FAM107B: variants seen among roughly 807,000 people sequenced by gnomAD.
FAM107B encodes protein FAM107B.
A neutral mutation model predicts 31.5 loss-of-function variants in FAM107B; 21 were observed. That is an observed-to-expected ratio of 0.67 (90% CI 0.47 to 0.96). The LOEUF is 0.96. FAM107B is among the 40% of genes least tolerant of loss of function. The pLI, the probability that FAM107B is intolerant of heterozygous loss-of-function variation, is 0.00. For synonymous variants in FAM107B, 157 were observed against 141.5 expected, an observed-to-expected ratio of 1.11 and a Z score of -0.78; for missense variants, 452 against 377.1, an observed-to-expected ratio of 1.20 and a Z score of -1.64.
At chr10:14,678,145 C>T (rs575732520) in intron 1 of FAM107B, among the ~76,000 whole-genome samples, 8 of 152,328 alleles carry the variant, frequency 5.3e-5, no homozygotes, top group Admixed American at 3.9e-4. Context: ...CCCTACCCCA[C>T]GCTGAATCCA....
At chr10:14,560,921 C>T (rs952276804) in intron 2 of FAM107B, among the ~76,000 whole-genome samples, 3 of 152,210 alleles carry the variant, frequency 2.0e-5, no homozygotes, top group African/African-American at 7.2e-5. Context: ...TTCTGGGAGA[C>T]AGCTGGCAGC....
At chr10:14,562,488 G>A (rs571734656) in intron 2 of FAM107B, among the ~76,000 whole-genome samples, 1 of 152,318 alleles carries the variant, frequency 6.6e-6, no homozygotes, top group South Asian at 2.1e-4. Flanking sequence ...TGTAGCTTCT[G>A]TAGGCATCTT....
At chr10:14,603,463 C>G (rs1422555696) in intron 2 of FAM107B, among the ~76,000 whole-genome samples, 1 of 152,170 alleles carries the variant, frequency 6.6e-6, no homozygotes, top group Non-Finnish European at 1.5e-5. Flanking sequence ...AGGAAGCAGG[C>G]TTGGTACCTT....
chr10:14,693,249 G>A (rs1855186362), intron 1 of FAM107B, among the ~76,000 whole-genome samples: 1 of 152,206 alleles, frequency 6.6e-6, no homozygotes, highest in South Asian at 2.1e-4. Flanking sequence ...GCCAAGGTGG[G>A]TGGATCTCCT....
At chr10:14,608,021 T>G (rs1168179147) in intron 2 of FAM107B, among the ~76,000 whole-genome samples, 1 of 152,158 alleles carries the variant, frequency 6.6e-6, no homozygotes, top group African/African-American at 2.4e-5. Flanking sequence ...AAATGACTAT[T>G]TGGGGACGTA....
rs1184925728 is a variant in FAM107B, at chr10:14,520,590, C to A, written c.*600G>T. On this transcript the variant is annotated 3_prime_UTR_variant, in exon 5 of 5. Transcript: ENST00000181796. ...TCAAGATGGGCTTTTAAACTTCTCA[C>A]CCTATTTCTAAATTAAGTGCCAACA... 6.6e-6 allele frequency: 1 copy of A among 152,190 alleles called. No homozygotes were observed. The highest frequency in any genetic ancestry group is 6.5e-5 in the Admixed American group (1 of 15,278). The allele number at this position is 152,190 out of a possible 1,614,324, so 9.4% of individuals were successfully genotyped here.
chr10:14,539,847 C>T (rs1205756919), intron 2 of FAM107B, among the ~76,000 whole-genome samples: 1 of 152,098 alleles, frequency 6.6e-6, no homozygotes, highest in Admixed American at 6.6e-5. Flanking sequence ...AACCCTGCAC[C>T]CTCACTTCCT....
At chr10:14,700,478 T>A (rs1855371063) in intron 1 of FAM107B, among the ~76,000 whole-genome samples, 1 of 152,100 alleles carries the variant, frequency 6.6e-6, no homozygotes, top group Non-Finnish European at 1.5e-5. Context: ...TCGCATCGAA[T>A]TTAACGCAGG....
chr10:14,543,076 G>A (rs1848372259), intron 2 of FAM107B, among the ~76,000 whole-genome samples: 1 of 152,154 alleles, frequency 6.6e-6, no homozygotes, highest in Non-Finnish European at 1.5e-5. Flanking sequence ...ACATTTGATA[G>A]ATGACTATTA....
intron 1 of FAM107B, among the ~76,000 whole-genome samples, chr10:14,749,206 C>T (rs1464710917): frequency 1.3e-5 from 2 of 152,122 alleles, no homozygotes; most frequent in Non-Finnish European, 2.9e-5. Flanking sequence ...GTTTATAAGC[C>T]AGGAAACAAT....
At chr10:14,668,827 T>A (rs1203858177) in intron 1 of FAM107B, among the ~76,000 whole-genome samples, 1 of 152,194 alleles carries the variant, frequency 6.6e-6, no homozygotes, top group Non-Finnish European at 1.5e-5. Context: ...GCTACTGTGC[T>A]TACTTTGTTC....
chr10:14,571,443 T>C (rs1851218354), intron 2 of FAM107B, among the ~76,000 whole-genome samples: 1 of 152,110 alleles, frequency 6.6e-6, no homozygotes, highest in Non-Finnish European at 1.5e-5. Flanking sequence ...ATAATGCAGA[T>C]AAAAGTTAGT....
intron 1 of FAM107B, among the ~76,000 whole-genome samples, chr10:14,730,762 C>T (rs554773630): frequency 6.6e-6 from 1 of 152,278 alleles, no homozygotes; most frequent in African/African-American, 2.4e-5. Context: ...TGACCAGCCT[C>T]CCCAGTTTGC....
chr10:14,585,328 C>G (rs1431377440), intron 2 of FAM107B, among the ~76,000 whole-genome samples: 3 of 152,170 alleles, frequency 2.0e-5, no homozygotes, highest in Non-Finnish European at 4.4e-5. Flanking sequence ...CTCGCAAGCC[C>G]CATCTTCCCG....
chr10:14,628,581 T>C (rs1853237436), intron 2 of FAM107B, among the ~76,000 whole-genome samples: 1 of 152,224 alleles, frequency 6.6e-6, no homozygotes, highest in Admixed American at 6.5e-5. Context: ...ATACTGTAAT[T>C]GGTTCTTTGG....
At chr10:14,725,721 T>C (rs544251060) in intron 1 of FAM107B, among the ~76,000 whole-genome samples, 6 of 151,786 alleles carry the variant, frequency 4.0e-5, no homozygotes, top group African/African-American at 1.4e-4. Context: ...TGATCTTATC[T>C]AAACCTAATT....
At chr10:14,565,429 C>A (rs1850581595) in intron 2 of FAM107B, among the ~76,000 whole-genome samples, 1 of 152,140 alleles carries the variant, frequency 6.6e-6, no homozygotes. Context: ...GGACTCAAGC[C>A]TGGGGTTAGC....
chr10:14,576,982 T>A (rs77776837), intron 2 of FAM107B, among the ~76,000 whole-genome samples: 3 of 152,182 alleles, frequency 2.0e-5, no homozygotes, highest in Non-Finnish European at 4.4e-5. Context: ...AAATACATAA[T>A]AATGCATGGC....
At chr10:14,598,777 C>T (rs1852270201) in intron 2 of FAM107B, among the ~76,000 whole-genome samples, 1 of 152,182 alleles carries the variant, frequency 6.6e-6, no homozygotes, top group Admixed American at 6.5e-5. Flanking sequence ...AGCATAAACA[C>T]CCCTCATTTG....
Sources: allele counts gnomAD v4.1 joint callset (sites outside exome capture counted in the v4.1 genomes callset), GRCh38; gene constraint gnomAD v4.1.1; transcripts MANE v1.5; gene names NCBI Gene and HGNC (gene_info 2026-07-23, HGNC 2026-07-21).